The following NOMO3 variants were observed in gnomAD, a reference collection of about 807,000 sequenced individuals.
NOMO3 encodes the protein NODAL modulator 3.
In NOMO3, 15 loss-of-function variants were observed where a neutral mutation model predicts 69.9. That is an observed-to-expected ratio of 0.21 (90% confidence interval 0.14 to 0.33). NOMO3 has a LOEUF of 0.33. Ranked by LOEUF, NOMO3 falls within the 10% of genes least tolerant of loss-of-function variation. NOMO3 has a pLI of 1.00. For missense variants in NOMO3, 218 were observed against 761.0 expected (o/e 0.29, Z 8.39); for synonymous variants, 89 against 301.9 (o/e 0.29, Z 7.31).
At chr16:16,235,954 T>C in intron 1 of NOMO3, 1 of 386,118 alleles carries the variant, frequency 2.6e-6, no homozygotes, top group South Asian at 1.9e-5. Context: ...ACGCAACACG[T>C]GGAAGACTCA....
At chr16:16,254,654 T>C (rs991818004) in intron 9 of NOMO3, among the ~76,000 whole-genome samples, 4 of 142,996 alleles carry the variant, frequency 2.8e-5, no homozygotes, top group Non-Finnish European at 5.9e-5. Flanking sequence ...AAAGTCCCTG[T>C]CTCCATGAGG....
chr16:16,235,900 T>C lies in NOMO3; in HGVS notation c.166-1001T>C, dbSNP rs989623871. On this transcript the variant is annotated intron_variant, in intron 1 of 30. Transcript: ENST00000399336. Reference sequence around the variant, plus strand: ...ACAACCACATGAAAAGGAGTGGCTCTATGTCTGCACCTGAAGAAACCGAAC... The same window carrying C: ...ACAACCACATGAAAAGGAGTGGCTCCATGTCTGCACCTGAAGAAACCGAAC... 37 of 438,312 alleles carry C rather than the reference T, an allele frequency of 8.4e-5. 9 individuals carry two copies. The highest frequency in any genetic ancestry group is 7.0e-4 in the African/African-American group (31 of 44,052). The allele number at this position is 438,312 out of a possible 1,614,324, so 27.2% of individuals were successfully genotyped here.
At chr16:16,255,688 C>T (rs768873511) in intron 9 of NOMO3, 32 bp from the exon 10 acceptor site, 3 of 1,592,934 alleles carry the variant, frequency 1.9e-6, no homozygotes, top group Non-Finnish European at 2.5e-6. Context: ...ACAGGAGCAC[C>T]TTCGAGCACC....
intron 11 of NOMO3, among the ~76,000 whole-genome samples, chr16:16,260,581 G>A (rs1396616596): frequency 1.4e-5 from 2 of 142,720 alleles, no homozygotes; most frequent in Non-Finnish European, 3.0e-5. Flanking sequence ...AGGCGGAGTG[G>A]TGGTTCCAAC....
rs546136266 is a variant in NOMO3, at chr16:16,262,908, C to G, written c.1396-166C>G. On this transcript the variant is annotated intron_variant, in intron 12 of 30. Coordinates refer to ENST00000399336, the MANE Select transcript of NOMO3 (RefSeq NM_001004067.4). ...TGGGTAGAACCGTGCTTACTTCACA[C>G]AAGTTATTCGTGGATTTGTTGTGAT... Among the ~76,000 whole-genome samples the G allele has an allele frequency of 9.2e-4, 132 of 143,144 alleles. 29 individuals carry two copies. Among genetic ancestry groups the G allele is most frequent in the African/African-American group, 3.5e-3 (123 of 34,652 alleles). The allele number at this position is 143,144 out of a possible 152,430, so 93.9% of individuals were successfully genotyped here. A position where few individuals can be genotyped will look rare whatever the true frequency, so the allele number is the denominator to read the frequency against.
chr16:16,263,821 C>T (rs1596812499), intron 14 of NOMO3, among the ~76,000 whole-genome samples, 177 bp downstream of exon 14: 1 of 41,458 alleles, frequency 2.4e-5, no homozygotes, highest in African/African-American at 1.0e-4. Flanking sequence ...GGAGTCCAGG[C>T]CCTGAGCTGA....
At chr16:16,235,894 T>G (rs4781634) in intron 1 of NOMO3, 1 of 437,912 alleles carries the variant, frequency 2.3e-6, no homozygotes, top group African/African-American at 2.3e-5. Flanking sequence ...TGAAAAGGAG[T>G]GGCTCTATGT....
rs1335412354 is a variant in NOMO3, at chr16:16,261,165, A to C, written c.1221-337A>C. On this transcript the variant is annotated intron_variant, in intron 11 of 30. Coordinates refer to ENST00000399336, the MANE Select transcript of NOMO3 (RefSeq NM_001004067.4). ...AAGGCCGCTCTGCTGTCAACGATCCAATTACCTGAAACGTTTTTATTATCT... is the reference window on the plus strand; with the variant it reads ...AAGGCCGCTCTGCTGTCAACGATCCCATTACCTGAAACGTTTTTATTATCT... 5.9e-6 allele frequency: 2 copies of C among 340,140 alleles called. 1 individual carries two copies. The highest frequency in any genetic ancestry group is 5.2e-5 in the African/African-American group (2 of 38,636). 21.1% of individuals were successfully genotyped at this position (340,140 alleles called of 1,614,324 possible).
Position 16,265,106 on chromosome 16 carries a change from A to G in NOMO3, c.1733A>G (p.Asp578Gly). The G allele has an allele frequency of 1.9e-6, 3 of 1,579,986 alleles. No individual in the cohort carries two copies. Among genetic ancestry groups the G allele is most frequent in the Non-Finnish European group, 2.6e-6 (3 of 1,174,730 alleles). Residue 578 changes from aspartate to glycine, a missense_variant, in exon 15 of 31, where the codon GAT (aspartate) becomes GGT (glycine). Physicochemically the swap from Asp to Gly is moderately conservative, Grantham distance 94. Coordinates refer to ENST00000399336, the MANE Select transcript of NOMO3 (RefSeq NM_001004067.4). ...AGCCTGGAGGTGGAAGTGCTGGAGG[A>G]TGACGTGTCTGCAGTTGAGTTCAGG... ...NKSLEVEVLE[D>G]DVSAVEFRQT...
At chr16:16,250,032 C>A (rs384661) in intron 6 of NOMO3, among the ~76,000 whole-genome samples, 2 of 135,232 alleles carry the variant, frequency 1.5e-5, no homozygotes, top group Non-Finnish European at 3.0e-5. Flanking sequence ...AGGTTTACAG[C>A]GACTGTGGCA....
At chr16:16,265,238 A>G (rs2049601543) in intron 15 of NOMO3, 59 bp downstream of exon 15, 1 of 1,589,060 alleles carries the variant, frequency 6.3e-7, no homozygotes, top group Non-Finnish European at 8.5e-7. Context: ...GGATGTCAAG[A>G]AAGACTAACA....
rs1390886258 is a variant in NOMO3 at position 16,232,644 on chromosome 16, G to A, written c.-23G>A. On this transcript the variant is annotated 5_prime_UTR_variant, in exon 1 of 31. Transcript: ENST00000399336. The stretch of plus-strand genomic sequence containing the variant: ...GGCGGGACCCGGCTGCCGGCGGTGG[G>A]TCTAGCTGGGGGAGGTCGGGCCATG... The A allele has an allele frequency of 3.6e-6, 2 of 559,860 alleles. No homozygotes were observed. Among genetic ancestry groups the A allele is most frequent in the Non-Finnish European group, 5.2e-6 (2 of 381,646 alleles). The allele number at this position is 559,860 out of a possible 1,614,324, so 34.7% of individuals were successfully genotyped here.
At chr16:16,238,294 G>C (rs1469036521) in intron 2 of NOMO3, among the ~76,000 whole-genome samples, 1 of 135,138 alleles carries the variant, frequency 7.4e-6, no homozygotes, top group Non-Finnish European at 1.5e-5. Flanking sequence ...GTGCAGTGGC[G>C]CGATCTCGGC....
intron 1 of NOMO3, among the ~76,000 whole-genome samples, chr16:16,234,181 T>G (rs535779588): frequency 1.3e-3 from 194 of 151,210 alleles, no homozygotes; most frequent in African/African-American, 3.2e-3. Flanking sequence ...CCATGCCACC[T>G]CCTAGGTCTG....
intron 11 of NOMO3, among the ~76,000 whole-genome samples, chr16:16,257,946 A>G (rs2606815): frequency 0.97 from 133,751 of 137,410 alleles, 65,861 homozygotes; most frequent in South Asian, 1. Flanking sequence ...AAAATGCTTC[A>G]TACCTAATAA....
At chr16:16,239,216 T>C (rs909360050) in intron 2 of NOMO3, among the ~76,000 whole-genome samples, 1 of 144,304 alleles carries the variant, frequency 6.9e-6, no homozygotes, top group East Asian at 2.2e-4. Flanking sequence ...AGGGGCACAA[T>C]TATGGTTCAC....
rs1019791697 is a variant in NOMO3 at position 16,236,607 on chromosome 16, C to T, written c.166-294C>T. Among the ~76,000 whole-genome samples the T allele has an allele frequency of 1.1e-4, 16 of 144,358 alleles. 4 individuals are homozygous for T. The highest frequency in any genetic ancestry group is 3.6e-4 in the African/African-American group (13 of 35,878). 94.7% of individuals were successfully genotyped at this position (144,358 alleles called of 152,430 possible). ...GCAAAGTTTGCAAATTTGTTTTAGA[C>T]CCGGAAACTTACACGAGCAACCTAG... On this transcript the variant is annotated intron_variant, in intron 1 of 30. Transcript: ENST00000399336.
intron 3 of NOMO3, among the ~76,000 whole-genome samples, chr16:16,240,538 C>T (rs2049366903): frequency 6.9e-6 from 1 of 145,592 alleles, no homozygotes; most frequent in African/African-American, 2.7e-5. Context: ...AGCCCTTCTG[C>T]ACACATCCCA....
chr16:16,238,557 T>G (rs2049349288), intron 2 of NOMO3, among the ~76,000 whole-genome samples: 1 of 143,726 alleles, frequency 7.0e-6, no homozygotes, highest in African/African-American at 2.8e-5. Context: ...TTTTAATGGC[T>G]GCATAGTGTG....
Sources: allele counts gnomAD v4.1 joint callset (sites outside exome capture counted in the v4.1 genomes callset), GRCh38; gene constraint gnomAD v4.1.1; transcripts MANE v1.5; gene names NCBI Gene and HGNC (gene_info 2026-07-23, HGNC 2026-07-21).